FRMD4A: variants seen among roughly 807,000 people sequenced by gnomAD.
FRMD4A encodes the protein FERM domain containing 4A.
FRMD4A carries 29 observed loss-of-function variants against 129.1 expected under a neutral mutation model. The observed-to-expected ratio is 0.22, with a 90% confidence interval of 0.17 to 0.31. The LOEUF is 0.31. FRMD4A is among the 10% of genes least tolerant of loss of function. The pLI is 1.00. For missense variants in FRMD4A, 1,272 were observed against 1,375.8 expected, an observed-to-expected ratio of 0.92 and a Z score of 1.19; for synonymous variants, 634 against 571.6, an observed-to-expected ratio of 1.11 and a Z score of -1.56.
At chr10:13,663,932 G>A (rs1309548811) in intron 18 of FRMD4A, among the ~76,000 whole-genome samples, 1 of 152,218 alleles carries the variant, frequency 6.6e-6, no homozygotes, top group Non-Finnish European at 1.5e-5. Flanking sequence ...ACTTTGCTTT[G>A]CTTCTGTGGC....
At chr10:14,105,922 A>G (rs1040573299) in intron 2 of FRMD4A, among the ~76,000 whole-genome samples, 3 of 152,042 alleles carry the variant, frequency 2.0e-5, no homozygotes, top group Non-Finnish European at 4.4e-5. Flanking sequence ...CAGTGGTGGT[A>G]TCTCCTTCCA....
chr10:13,841,652 G>A (rs1445983079), intron 3 of FRMD4A, among the ~76,000 whole-genome samples: 1 of 152,228 alleles, frequency 6.6e-6, no homozygotes. Context: ...ACTCCAGGAG[G>A]AGACAGCACA....
At chr10:13,717,177 A>G (rs1234491480) in intron 12 of FRMD4A, among the ~76,000 whole-genome samples, 2 of 152,198 alleles carry the variant, frequency 1.3e-5, no homozygotes, top group Non-Finnish European at 2.9e-5. Flanking sequence ...GCTATGACAG[A>G]CCTCAGTGGG....
chr10:14,123,577 T>C (rs144803855), intron 2 of FRMD4A, among the ~76,000 whole-genome samples: 5 of 152,324 alleles, frequency 3.3e-5, no homozygotes, highest in Non-Finnish European at 5.9e-5. Flanking sequence ...TCTTTGTTTC[T>C]GGTAGTGAAG....
intron 2 of FRMD4A, among the ~76,000 whole-genome samples, chr10:14,015,539 A>T (rs2095696498): frequency 6.6e-6 from 1 of 152,070 alleles, no homozygotes; most frequent in Non-Finnish European, 1.5e-5. Context: ...TGAATTGTGC[A>T]GTTTGACTCC....
intron 2 of FRMD4A, among the ~76,000 whole-genome samples, chr10:14,260,235 G>T (rs1371304470): frequency 1.3e-5 from 2 of 152,108 alleles, no homozygotes; most frequent in African/African-American, 4.8e-5. Flanking sequence ...TCTCCCTTTT[G>T]TACTGCACGG....
chr10:13,815,088 T>C (rs576703015), intron 3 of FRMD4A, among the ~76,000 whole-genome samples: 2 of 152,274 alleles, frequency 1.3e-5, no homozygotes, highest in South Asian at 2.1e-4. Flanking sequence ...ATATATGAAC[T>C]CATTATCATC....
intron 2 of FRMD4A, among the ~76,000 whole-genome samples, chr10:14,244,807 C>T (rs1844175449): frequency 6.6e-6 from 1 of 152,236 alleles, no homozygotes; most frequent in African/African-American, 2.4e-5. Flanking sequence ...AAAACCTGTG[C>T]TCTTTCCGCA....
chr10:13,763,156 C>T (rs910574767), intron 6 of FRMD4A, among the ~76,000 whole-genome samples: 3 of 152,088 alleles, frequency 2.0e-5, no homozygotes, highest in South Asian at 2.1e-4. Flanking sequence ...TGGGCCTACC[C>T]GACTATCTCA....
intron 4 of FRMD4A, among the ~76,000 whole-genome samples, chr10:13,799,003 C>T (rs1200065727): frequency 6.6e-6 from 1 of 152,160 alleles, no homozygotes; most frequent in Non-Finnish European, 1.5e-5. Context: ...CTCACGTCTC[C>T]GCTCCAGAAA....
intron 2 of FRMD4A, among the ~76,000 whole-genome samples, chr10:14,295,179 C>T (rs934547244): frequency 6.6e-6 from 1 of 152,206 alleles, no homozygotes; most frequent in East Asian, 1.9e-4. Flanking sequence ...TTCCAGATTA[C>T]CCCAGTGGGT....
intron 2 of FRMD4A, among the ~76,000 whole-genome samples, chr10:14,171,705 A>G (rs1398124240): frequency 6.6e-6 from 1 of 152,142 alleles, no homozygotes; most frequent in Non-Finnish European, 1.5e-5. Context: ...TACATGGTGT[A>G]ATGAAATTAT....
intron 2 of FRMD4A, among the ~76,000 whole-genome samples, chr10:14,163,944 T>C (rs1445464616): frequency 6.6e-6 from 1 of 152,156 alleles, no homozygotes; most frequent in East Asian, 1.9e-4. Context: ...GCAAGTGCAG[T>C]GTGGTCCACC....
At chr10:13,931,029 A>T (rs2095188985) in intron 2 of FRMD4A, among the ~76,000 whole-genome samples, 1 of 152,074 alleles carries the variant, frequency 6.6e-6, no homozygotes, top group Non-Finnish European at 1.5e-5. Flanking sequence ...TAGATGAGAT[A>T]TCTCTATGTT....
chr10:13,964,109 T>C (rs74792816), intron 2 of FRMD4A, among the ~76,000 whole-genome samples: 5,606 of 150,076 alleles, frequency 0.037, 334 homozygotes, highest in African/African-American at 0.13. Flanking sequence ...GTTATCTTGT[T>C]GGTGCTTTGT....
chr10:13,872,052 C>T (rs2094444532), intron 2 of FRMD4A, among the ~76,000 whole-genome samples: 1 of 152,262 alleles, frequency 6.6e-6, no homozygotes, highest in Admixed American at 6.5e-5. Context: ...ATTCCTACCT[C>T]GTAGAGTTGT....
intron 2 of FRMD4A, among the ~76,000 whole-genome samples, chr10:14,164,864 A>T (rs1841093200): frequency 6.6e-6 from 1 of 152,206 alleles, no homozygotes; most frequent in South Asian, 2.1e-4. Context: ...AAAACATGAG[A>T]TTATGCATGG....
At chr10:13,827,235 A>G (rs2093715539) in intron 3 of FRMD4A, among the ~76,000 whole-genome samples, 1 of 152,176 alleles carries the variant, frequency 6.6e-6, no homozygotes, top group Non-Finnish European at 1.5e-5. Flanking sequence ...AAGTACACAT[A>G]AGGGGTATCA....
chr10:13,672,967 T>C lies in FRMD4A; in HGVS notation c.1251+1944A>G, dbSNP rs1255852646. Among the ~76,000 whole-genome samples the C allele has an allele frequency of 2.6e-5, 4 of 152,332 alleles. No individual in the cohort carries two copies. The East Asian group carries it at 7.7e-4, about 29-fold the overall frequency. On this transcript the variant is annotated intron_variant, in intron 16 of 24. Transcript: ENST00000357447. ...TTTCTGGTGTTAACATTATAAGAAG[T>C]GGCAGCTTTGTTTTCCTTCTTTTGT...
Sources: allele counts gnomAD v4.1 joint callset (sites outside exome capture counted in the v4.1 genomes callset), GRCh38; gene constraint gnomAD v4.1.1; transcripts MANE v1.5; gene names NCBI Gene and HGNC (gene_info 2026-07-23, HGNC 2026-07-21).